CYP4F8: variants seen among roughly 807,000 people sequenced by gnomAD.
The protein encoded by CYP4F8 is cytochrome P450 4F8.
In CYP4F8, 56 loss-of-function variants were observed where a neutral mutation model predicts 55.0. The observed-to-expected ratio is 1.02, with a 90% CI of 0.82 to 1.27. The LOEUF (loss-of-function observed/expected upper bound fraction) is 1.27, where lower values mean the gene tolerates loss of function less well. Among genes scored for constraint, CYP4F8 ranks in the 50% most tolerant of loss-of-function variants. CYP4F8 has a pLI of 0.00. For missense variants in CYP4F8, 680 were observed against 682.4 expected (o/e 1.00, Z 0.04); for synonymous variants, 288 against 267.3 (o/e 1.08, Z -0.76).
At position 15,629,360 on chromosome 19, in the gene CYP4F8, G is replaced by T; in HGVS notation, c.*2G>T. 1 of 1,601,624 alleles carries T rather than the reference G, an allele frequency of 6.2e-7. No individual in the cohort carries two copies. Among genetic ancestry groups the T allele is most frequent in the Non-Finnish European group, 8.5e-7 (1 of 1,173,686 alleles). ...CTGCGAGTAGAACCCCTGGGCTGAG[G>T]CCTGCAGTGACCCACCCACCTACCT... On this transcript the variant is annotated 3_prime_UTR_variant, in exon 13 of 13. Coordinates refer to ENST00000612078, the MANE Select transcript of CYP4F8 (RefSeq NM_007253.4).
intron 12 of CYP4F8, 79 bp from the exon 13 acceptor site, chr19:15,629,114 G>A (rs892100204): frequency 1.3e-6 from 2 of 1,493,780 alleles, no homozygotes; most frequent in Non-Finnish European, 1.8e-6. Flanking sequence ...GGGGTTGGGG[G>A]TTCCGGGCCT....
rs1972296123 is a variant in CYP4F8, at chr19:15,628,750, C to T, written c.1315-11C>T. 6.2e-7 allele frequency: 1 copy of T among 1,613,468 alleles called. No homozygotes were observed. The highest frequency in any genetic ancestry group is 8.5e-7 in the Non-Finnish European group (1 of 1,179,828). ...GGCCCCATCAGCAGCCTTAACTTGC[C>T]TCCACCCCAGGTCTATGACCCCTTC... On this transcript the variant is annotated splice_polypyrimidine_tract_variant and intron_variant, in intron 11 of 12. Transcript: ENST00000612078.
chr19:15,619,902 T>G, intron 5 of CYP4F8, 140 bp downstream of exon 5: 1 of 1,135,264 alleles, frequency 8.8e-7, no homozygotes. Context: ...CCCATGAGGC[T>G]AATAATCCTC....
Position 15,619,493 on chromosome 19 carries a change from C to A in CYP4F8, c.347C>A (p.Ala116Asp). 3.1e-6 allele frequency: 5 copies of A among 1,614,128 alleles called. No homozygotes were observed. Among genetic ancestry groups the A allele is most frequent in the Non-Finnish European group, 4.2e-6 (5 of 1,179,982 alleles). Residue 116 changes from alanine (A) to aspartate (D), a missense_variant, in exon 4 of 13, where the codon GCC becomes GAC. Transcript: ENST00000612078. ...IVRSVINTSD[A>D]ITDKDIVFYK... Reference sequence around the variant, plus strand: ...TGATGGTCCTCATTCATGTCAGATGCCATTACAGACAAGGACATAGTCTTC... The same window carrying A: ...TGATGGTCCTCATTCATGTCAGATGACATTACAGACAAGGACATAGTCTTC...
intron 9 of CYP4F8, 37 bp from the exon 10 acceptor site, chr19:15,628,265 T>G (rs1972286527): frequency 6.2e-7 from 1 of 1,613,520 alleles, no homozygotes; most frequent in Admixed American, 1.7e-5. Flanking sequence ...AGGAGGGCCG[T>G]GTATGCTCTC....
chr19:15,622,109 A>T, intron 5 of CYP4F8, 110 bp from the exon 6 acceptor site: 2 of 1,417,446 alleles, frequency 1.4e-6, no homozygotes, highest in Non-Finnish European at 1.9e-6. Context: ...GGGGTCTGGG[A>T]CAGAAAACCA....
At chr19:15,615,888 C>T (rs1972109776) in intron 2 of CYP4F8, 74 bp downstream of exon 2, 1 of 845,386 alleles carries the variant, frequency 1.2e-6, no homozygotes, top group Non-Finnish European at 1.7e-6. Context: ...AGGGGGTGGG[C>T]TCGGGTCTGG....
rs537383877 is a variant in CYP4F8, at chr19:15,618,613, G to A, written c.343+469G>A. On this transcript the variant is annotated intron_variant, in intron 3 of 12. Transcript: ENST00000612078. ...ATTTTTTTTTTAAAGCAGGGGCAGG[G>A]TGATGCAGTGGGCATTGTTAGTATT... 7 of 319,558 alleles carry A rather than the reference G, an allele frequency of 2.2e-5. No homozygotes were observed. In the East Asian group the frequency reaches 5.8e-4, roughly 26 times the overall value. 19.8% of individuals were successfully genotyped at this position (319,558 alleles called of 1,614,324 possible). A position where few individuals can be genotyped will look rare whatever the true frequency, so the allele number is the denominator to read the frequency against.
intron 6 of CYP4F8, 92 bp downstream of exon 6, chr19:15,622,432 T>C: frequency 6.5e-7 from 1 of 1,541,690 alleles, no homozygotes; most frequent in Non-Finnish European, 8.8e-7. Flanking sequence ...AGAGCCTTCC[T>C]GGAGAGATGA....
intron 3 of CYP4F8, 146 bp from the exon 4 acceptor site, chr19:15,619,344 C>G: frequency 1.1e-6 from 1 of 880,274 alleles, no homozygotes; most frequent in Non-Finnish European, 1.7e-6. Context: ...CCCCCACCCT[C>G]CTTTCTTCTT....
intron 1 of CYP4F8, 29 bp from the exon 2 acceptor site, chr19:15,615,587 C>T (rs756668622): frequency 6.2e-7 from 1 of 1,609,922 alleles, no homozygotes; most frequent in African/African-American, 1.3e-5. Context: ...GGCCTCAGGA[C>T]CTCACCCTCC....
chr19:15,623,269 T>A lies in CYP4F8; in HGVS notation c.812T>A (p.Ile271Asn). ...GTGCACGACTTCACAGATGCCGTCA[T>A]CCAGGAGCGGCGCCGCACCCTCACT... ...RLVHDFTDAVIQERRRTLTSQ... is the reference protein window; with the variant it reads ...RLVHDFTDAVNQERRRTLTSQ... The change falls in exon 7 of 13, where the codon ATC (isoleucine) becomes AAC (asparagine). Residue 271 changes from isoleucine (I) to asparagine (N), a missense_variant. Ile to Asn is a moderately radical substitution (Grantham distance 149). Transcript: ENST00000612078. 1 of 1,614,020 alleles carries A rather than the reference T, an allele frequency of 6.2e-7. No homozygotes were observed. The highest frequency in any genetic ancestry group is 1.1e-5 in the South Asian group (1 of 91,068).
At chr19:15,619,796 C>G in intron 5 of CYP4F8, 34 bp downstream of exon 5, 12 of 1,608,858 alleles carry the variant, frequency 7.5e-6, no homozygotes, top group Non-Finnish European at 1.0e-5. Context: ...CCAGCTGCAG[C>G]CTTGGGGTGG....
chr19:15,623,366 G>C lies in CYP4F8; in HGVS notation c.909G>C (p.Leu303=), dbSNP rs1434428562. ...CTTTGGACTTTATTGATGTGCTCCT[G>C]CTGAGCGAGGTGGGCCTCTCTGGGA... ...SKTLDFIDVL[L]LSEDKNGKEL... The change falls in exon 7 of 13, where the codon CTG becomes CTC. Residue 303 remains leucine (L), a synonymous_variant. Transcript: ENST00000612078. 1 of 1,613,350 alleles carries C rather than the reference G, an allele frequency of 6.2e-7. No individual in the cohort carries two copies. Among genetic ancestry groups the C allele is most frequent in the African/African-American group, 1.3e-5 (1 of 74,866 alleles).
At chr19:15,620,519 T>C (rs1340084024) in intron 5 of CYP4F8, among the ~76,000 whole-genome samples, 1 of 152,104 alleles carries the variant, frequency 6.6e-6, no homozygotes, top group Admixed American at 6.6e-5. Flanking sequence ...GCCTCGTGGG[T>C]AGATGGAATT....
In CYP4F8 at chr19:15,618,018, G is replaced by A. The variant is rs781451202; in HGVS notation, c.217G>A (p.Gly73Ser). Residue 73 changes from glycine (G) to serine (S), a missense_variant, in exon 3 of 13, where the codon GGC becomes AGC. Coordinates refer to ENST00000612078, the MANE Select transcript of CYP4F8 (RefSeq NM_007253.4). ...CTTGCAGGTCACTCCCACAGAGGAG[G>A]GCTTGAGGGTCCTGACCCAGCTGGT... is the stretch of plus-strand genomic sequence containing the variant. ...HLGLVTPTEE[G>S]LRVLTQLVAT... 1.2e-6 allele frequency: 2 copies of A among 1,614,042 alleles called. No individual in the cohort carries two copies. Among genetic ancestry groups the A allele is most frequent in the South Asian group, 2.2e-5 (2 of 91,074 alleles).
intron 9 of CYP4F8, chr19:15,627,760 A>C (rs1240064764): frequency 6.5e-6 from 1 of 152,696 alleles, no homozygotes; most frequent in Non-Finnish European, 1.5e-5. Context: ...CACACAAACA[A>C]ATGAACACTT....
Position 15,629,348 on chromosome 19 carries a change from C to T in CYP4F8, c.1553C>T (p.Pro518Leu), listed in dbSNP as rs992228816. 1.2e-6 allele frequency: 2 copies of T among 1,608,792 alleles called. No homozygotes were observed. The highest frequency in any genetic ancestry group is 2.7e-5 in the African/African-American group (2 of 74,864). ...AEDGLWLRVE[P>L]LG The stretch of plus-strand genomic sequence containing the variant: ...GACGGACTTTGGCTGCGAGTAGAAC[C>T]CCTGGGCTGAGGCCTGCAGTGACCC... Residue 518 changes from proline (P) to leucine (L), a missense_variant, in exon 13 of 13, where the codon CCC (proline) becomes CTC (leucine). Coordinates refer to ENST00000612078, the MANE Select transcript of CYP4F8 (RefSeq NM_007253.4).
chr19:15,623,218 G>A lies in CYP4F8; in HGVS notation c.761G>A (p.Arg254Gln), dbSNP rs370505023. Residue 254 changes from arginine (R) to glutamine (Q), a missense_variant, in exon 7 of 13, where the codon CGG (arginine) becomes CAG (glutamine). Transcript: ENST00000612078. ...DFLYFLTPCGRRFHRACRLVH... is the reference protein window; with the variant it reads ...DFLYFLTPCGQRFHRACRLVH... Reference sequence around the variant, plus strand: ...CTGTACTTCCTCACTCCCTGTGGACGGCGCTTCCACAGGGCCTGCAGACTG... The same window carrying A: ...CTGTACTTCCTCACTCCCTGTGGACAGCGCTTCCACAGGGCCTGCAGACTG... The A allele has an allele frequency of 8.1e-6, 13 of 1,613,904 alleles. No individual in the cohort carries two copies. The East Asian group carries it at 1.1e-4, about 14-fold the overall frequency.
Sources: gnomAD v4.1 joint callset for allele counts (sites outside exome capture counted in the v4.1 genomes callset) on GRCh38, gnomAD v4.1.1 for gene constraint, MANE v1.5 for transcripts, NCBI Gene and HGNC (gene_info 2026-07-23, HGNC 2026-07-21) for gene names.